Variants in SFI1 observed in about 807,000 individuals in gnomAD.
SFI1 encodes protein SFI1 homolog.
In SFI1, 195 loss-of-function variants were observed where a neutral mutation model predicts 207.5. The observed-to-expected ratio is 0.94, with a 90% CI of 0.84 to 1.06. The LOEUF (loss-of-function observed/expected upper bound fraction) is 1.06. SFI1 is among the 50% of genes least tolerant of loss of function. The probability of loss-of-function intolerance (pLI) is 0.00; values close to 1 mark genes in which losing one functional copy is unlikely to be tolerated. For synonymous variants in SFI1, 630 were observed against 598.9 expected (o/e 1.05, Z -0.76); for missense variants, 1,634 against 1,588.0 (o/e 1.03, Z -0.49).
rs73881390 is a variant in SFI1, at chr22:31,572,012, C to A, written c.766-1046C>A. Among the ~76,000 whole-genome samples the A allele has an allele frequency of 3.4e-3, 520 of 151,964 alleles. 3 individuals are homozygous for A. The highest frequency in any genetic ancestry group is 0.012 in the African/African-American group (505 of 41,442). Reference sequence around the variant, plus strand: ...AGAGGGGAACTGCCAAGGCAGTAAACTCGGGAAGGTGAGAGATAGCCAGAG... The same window carrying A: ...AGAGGGGAACTGCCAAGGCAGTAAAATCGGGAAGGTGAGAGATAGCCAGAG... On this transcript the variant is annotated intron_variant, in intron 8 of 32. Transcript: ENST00000400288.
At chr22:31,537,468 C>T (rs2059105267) in intron 4 of SFI1, among the ~76,000 whole-genome samples, 1 of 152,176 alleles carries the variant, frequency 6.6e-6, no homozygotes. Flanking sequence ...TGCTACATTG[C>T]TTTAAAACAT....
intron 8 of SFI1, among the ~76,000 whole-genome samples, chr22:31,571,280 A>C (rs1220200523): frequency 6.6e-6 from 1 of 152,078 alleles, no homozygotes; most frequent in Non-Finnish European, 1.5e-5. Flanking sequence ...TCTGTGTTTC[A>C]CCTAGTTTAA....
intron 27 of SFI1, 91 bp downstream of exon 27, chr22:31,613,946 G>A: frequency 6.9e-7 from 1 of 1,441,358 alleles, no homozygotes. Flanking sequence ...TGACGGGATG[G>A]GACGGGCTGG....
chr22:31,508,240 C>T lies in SFI1; in HGVS notation c.-30-15C>T, dbSNP rs1601865402. The T allele has an allele frequency of 7.1e-7, 1 of 1,402,568 alleles. No homozygotes were observed. Among genetic ancestry groups the T allele is most frequent in the South Asian group, 1.2e-5 (1 of 86,456 alleles). The allele number at this position is 1,402,568 out of a possible 1,614,324, so 86.9% of individuals were successfully genotyped here. A position where few individuals can be genotyped will look rare whatever the true frequency, so the allele number is the denominator to read the frequency against. On this transcript the variant is annotated splice_polypyrimidine_tract_variant and intron_variant, in intron 1 of 32. Coordinates refer to ENST00000400288, the MANE Select transcript of SFI1 (RefSeq NM_001007467.3). ...CAAATCATTTTCTCTCTTTTTTATT[C>T]TCTTTTTCTTGTAGTTAGAAGGGGA...
chr22:31,539,230 A>G (rs1270251030), intron 4 of SFI1, among the ~76,000 whole-genome samples: 1 of 152,066 alleles, frequency 6.6e-6, no homozygotes, highest in African/African-American at 2.4e-5. Flanking sequence ...ATGGCCCCTC[A>G]TTGGTCTCCT....
chr22:31,573,370 A>G (rs529604639), intron 9 of SFI1, among the ~76,000 whole-genome samples, 156 bp downstream of exon 9: 1 of 152,168 alleles, frequency 6.6e-6, no homozygotes, highest in African/African-American at 2.4e-5. Context: ...TCCTTGAGTC[A>G]CATTTATTTC....
intron 10 of SFI1, among the ~76,000 whole-genome samples, chr22:31,577,091 A>T (rs1159790067): frequency 6.6e-6 from 1 of 152,240 alleles, no homozygotes; most frequent in Non-Finnish European, 1.5e-5. Flanking sequence ...GAGGAAGCTC[A>T]GACTAATGAT....
rs1297857172 is a variant in SFI1 at position 31,575,282 on chromosome 22, A to G, written c.974A>G (p.Asp325Gly). The G allele has an allele frequency of 2.5e-6, 4 of 1,612,884 alleles. No homozygotes were observed. The African/African-American group carries it at 4.0e-5, about 16-fold the overall frequency. ...ACTGTGCTCCAGATATACTTCTGTG[A>G]CTGGCAGCAGGCCTGGGAGCGGAGG... ...HVTVLQIYFC[D>G]WQQAWERRES... is the part of the protein sequence containing the mutation. Residue 325 changes from aspartate to glycine, a missense_variant, in exon 10 of 33, where the codon GAC (aspartate) becomes GGC (glycine). By Grantham distance (94) the Asp-to-Gly change is moderately conservative. Coordinates refer to ENST00000400288, the MANE Select transcript of SFI1 (RefSeq NM_001007467.3).
rs779704176 is a variant in SFI1, at chr22:31,613,630, G to A, written c.2771G>A (p.Arg924His). The change falls in exon 27 of 33, where the codon CGC becomes CAC. Residue 924 changes from arginine to histidine, a missense_variant. Coordinates refer to ENST00000400288, the MANE Select transcript of SFI1 (RefSeq NM_001007467.3). ...GCTCACAGTCTCCATCGTGCCGTCC[G>A]CCGCTGTGCCACGCTCTGGAAACAG... Reference protein sequence around the residue: ...QAAHSLHRAVRRCATLWKQKV... With the variant: ...QAAHSLHRAVHRCATLWKQKV... The A allele has an allele frequency of 1.2e-4, 193 of 1,593,728 alleles. No individual in the cohort carries two copies. The highest frequency in any genetic ancestry group is 1.7e-4 in the Middle Eastern group (1 of 5,864).
Position 31,602,705 on chromosome 22 carries a change from G to A in SFI1, c.1725G>A (p.Val575=). ...ARHQEQEWQT[V]ACAHHRHGRL... ...ACCAGGAGCAGGAGTGGCAAACAGT[G>A]GCCTGTGCCCACCACCGCCACGGGC... The change falls in exon 17 of 33, where the codon GTG becomes GTA. Residue 575 remains valine (V), a synonymous_variant. Coordinates refer to ENST00000400288, the MANE Select transcript of SFI1 (RefSeq NM_001007467.3). 1.2e-6 allele frequency: 2 copies of A among 1,614,090 alleles called. No homozygotes were observed. The highest frequency in any genetic ancestry group is 1.7e-6 in the Non-Finnish European group (2 of 1,180,050).
At chr22:31,602,500 C>T (rs2068280337) in intron 16 of SFI1, 107 bp from the exon 17 acceptor site, 2 of 1,349,598 alleles carry the variant, frequency 1.5e-6, no homozygotes, top group South Asian at 2.5e-5. Context: ...TCCTGACATC[C>T]ATTCCTTTTG....
chr22:31,546,787 A>G, intron 4 of SFI1, 74 bp from the exon 5 acceptor site: 1 of 1,076,642 alleles, frequency 9.3e-7, no homozygotes, highest in Non-Finnish European at 1.3e-6. Flanking sequence ...ATGAGACGGC[A>G]AGAATATGTG....
intron 13 of SFI1, 58 bp downstream of exon 13, chr22:31,584,030 T>C: frequency 7.1e-7 from 1 of 1,414,100 alleles, no homozygotes; most frequent in East Asian, 2.3e-5. Context: ...GACTTACTGT[T>C]TTCCAGGAGT....
intron 15 of SFI1, among the ~76,000 whole-genome samples, chr22:31,594,866 A>C (rs1376609013): frequency 1.3e-5 from 2 of 151,146 alleles, no homozygotes; most frequent in East Asian, 3.9e-4. Context: ...AAAAAAAAAA[A>C]AAAAAAAAAA....
At chr22:31,519,329 G>A (rs1204327555) in intron 2 of SFI1, among the ~76,000 whole-genome samples, 1 of 149,806 alleles carries the variant, frequency 6.7e-6, no homozygotes, top group Non-Finnish European at 1.5e-5. Flanking sequence ...GGTGTGCAGT[G>A]GCATGATCAT....
rs771038010 is a variant in SFI1 at position 31,615,184 on chromosome 22, G to C, written c.3205G>C (p.Gly1069Arg). 6.3e-7 allele frequency: 1 copy of C among 1,595,710 alleles called. No homozygotes were observed. ...PLPGALSSAP[G>R]PKQPPTASTG... ...GCCTGGGGCCCTGTCAAGCGCCCCTGGCCCGAAGCAGCCCCCGACGGCAAG... is the reference window on the plus strand; with the variant it reads ...GCCTGGGGCCCTGTCAAGCGCCCCTCGCCCGAAGCAGCCCCCGACGGCAAG... The change falls in exon 29 of 33, where the codon GGC becomes CGC. Residue 1069 changes from glycine to arginine, a missense_variant. Transcript: ENST00000400288.
intron 6 of SFI1, 184 bp downstream of exon 6, chr22:31,550,532 A>G (rs2060527755): frequency 1.8e-6 from 1 of 542,902 alleles, no homozygotes. Context: ...ATTGATCCCT[A>G]TGGTTTTCTC....
At position 31,528,996 on chromosome 22, in the gene SFI1, A is replaced by G; in HGVS notation, c.266+133A>G. The G allele has an allele frequency of 9.5e-6, 8 of 840,856 alleles. No individual in the cohort carries two copies. The South Asian group carries it at 1.2e-4, about 12-fold the overall frequency. The allele number at this position is 840,856 out of a possible 1,614,324, so 52.1% of individuals were successfully genotyped here. A position where few individuals can be genotyped will look rare whatever the true frequency, so the allele number is the denominator to read the frequency against. ...CTTGATGCCTGTTCTTGGTAGTAGA[A>G]TGTTCAGATGAAAAGGATATTCAGG... is the stretch of plus-strand genomic sequence containing the variant. On this transcript the variant is annotated intron_variant, in intron 3 of 32. Coordinates refer to ENST00000400288, the MANE Select transcript of SFI1 (RefSeq NM_001007467.3).
At chr22:31,524,913 GC>G (rs1209779859) in intron 2 of SFI1, among the ~76,000 whole-genome samples, 1 of 151,980 alleles carries the variant, frequency 6.6e-6, no homozygotes, top group Non-Finnish European at 1.5e-5. Context: ...TCCTGCCTCA[GC>G]CTCCCGAGTA....
Sources: gnomAD v4.1 joint callset for allele counts (sites outside exome capture counted in the v4.1 genomes callset) on GRCh38, gnomAD v4.1.1 for gene constraint, MANE v1.5 for transcripts, NCBI Gene and HGNC (gene_info 2026-07-23, HGNC 2026-07-21) for gene names.